IL33: variants seen among roughly 807,000 people sequenced by gnomAD.
The protein encoded by IL33 is interleukin-33.
A neutral mutation model predicts 27.3 loss-of-function variants in IL33; 37 were observed. The ratio of observed to expected loss-of-function variants is 1.36; its 90% CI spans 1.04 to 1.78. The LOEUF (loss-of-function observed/expected upper bound fraction) is 1.78. IL33 is among the 40% of genes most tolerant of loss of function. The probability of loss-of-function intolerance (pLI) is 0.00; values close to 1 mark genes in which losing one functional copy is unlikely to be tolerated. For missense variants in IL33, 406 were observed against 311.4 expected (o/e 1.30, Z -2.29); for synonymous variants, 132 against 102.9 (o/e 1.28, Z -1.71).
chr9:6,239,135 C>T (rs899548170), intron 1 of IL33, among the ~76,000 whole-genome samples: 23 of 152,236 alleles, frequency 1.5e-4, no homozygotes, highest in Middle Eastern at 3.4e-3. Flanking sequence ...GAGATCAAGC[C>T]GCAAACATAG....
At chr9:6,238,750 A>C (rs72689561) in intron 1 of IL33, among the ~76,000 whole-genome samples, 23,637 of 152,186 alleles carry the variant, frequency 0.16, 2,459 homozygotes, top group Non-Finnish European at 0.22. Context: ...TAAAAAGAAG[A>C]AGCAATAATT....
chr9:6,242,579 C>T (rs1345845381), intron 2 of IL33: 5 of 152,156 alleles, frequency 3.3e-5, no homozygotes, highest in Non-Finnish European at 7.3e-5. Flanking sequence ...GCTACATTTT[C>T]CAGGATTTGA....
intron 1 of IL33, among the ~76,000 whole-genome samples, chr9:6,221,688 A>T (rs995466710): frequency 6.6e-6 from 1 of 152,160 alleles, no homozygotes; most frequent in Non-Finnish European, 1.5e-5. Flanking sequence ...TCTCCTTACT[A>T]TCTAGGTGGA....
chr9:6,247,921 A>G (rs1819959943), intron 2 of IL33, among the ~76,000 whole-genome samples: 1 of 151,688 alleles, frequency 6.6e-6, no homozygotes, highest in Non-Finnish European at 1.5e-5. Flanking sequence ...TAACTTTCTT[A>G]TCTCCTAAAG....
chr9:6,254,589 G>T, intron 7 of IL33, 36 bp downstream of exon 7: 5 of 1,262,694 alleles, frequency 4.0e-6, no homozygotes, highest in Non-Finnish European at 5.4e-6. Context: ...CTATATATAT[G>T]ATTACAGAAC....
Position 6,253,575 on chromosome 9 carries a change from G to A in IL33, c.493G>A (p.Glu165Lys), listed in dbSNP as rs145735086. The part of the protein sequence containing the change: ...KKDKVLLSYY[E>K]SQHPSNESGD... ...AGATAAGGTGTTACTGAGTTACTAT[G>A]AGTCTCAACACCCCTCAAATGAATC... The change falls in exon 6 of 8, where the codon GAG becomes AAG. Residue 165 changes from glutamate (E) to lysine (K), a missense_variant. Coordinates refer to ENST00000682010, the MANE Select transcript of IL33 (RefSeq NM_033439.4). 3 of 1,608,764 alleles carry A rather than the reference G, an allele frequency of 1.9e-6. No homozygotes were observed. Among genetic ancestry groups the A allele is most frequent in the South Asian group, 1.1e-5 (1 of 90,380 alleles).
At chr9:6,246,878 G>A (rs1238469344) in intron 2 of IL33, among the ~76,000 whole-genome samples, 1 of 152,170 alleles carries the variant, frequency 6.6e-6, no homozygotes, top group Admixed American at 6.5e-5. Context: ...AAATCACCCA[G>A]TCCATGGTAT....
intron 1 of IL33, among the ~76,000 whole-genome samples, chr9:6,217,072 T>A (rs1026849528): frequency 6.6e-6 from 1 of 151,996 alleles, no homozygotes; most frequent in East Asian, 1.9e-4. Flanking sequence ...TGCTGCTGAT[T>A]GGTTGGGAAT....
intron 1 of IL33, among the ~76,000 whole-genome samples, chr9:6,226,964 G>A (rs912754952): frequency 6.6e-6 from 1 of 152,222 alleles, no homozygotes; most frequent in Non-Finnish European, 1.5e-5. Flanking sequence ...TTGGGGCACT[G>A]CCAACCTAAA....
At chr9:6,247,854 C>T (rs945997091) in intron 2 of IL33, among the ~76,000 whole-genome samples, 22 of 152,068 alleles carry the variant, frequency 1.4e-4, no homozygotes, top group African/African-American at 5.3e-4. Context: ...TAACCCCCAT[C>T]CTTGAACTAT....
intron 1 of IL33, among the ~76,000 whole-genome samples, chr9:6,241,379 A>G (rs923082307): frequency 2.6e-5 from 4 of 152,202 alleles, no homozygotes; most frequent in African/African-American, 9.7e-5. Flanking sequence ...CACGCAAGTA[A>G]TGAATTGTTC....
chr9:6,229,209 C>A (rs1229716060), intron 1 of IL33, among the ~76,000 whole-genome samples: 1 of 152,046 alleles, frequency 6.6e-6, no homozygotes, highest in African/African-American at 2.4e-5. Context: ...GAAACTGAGA[C>A]CTGGAGAGCT....
Position 6,252,918 on chromosome 9 carries a change from A to T in IL33, c.396A>T (p.Gln132His). The T allele has an allele frequency of 6.2e-7, 1 of 1,605,402 alleles. No homozygotes were observed. The highest frequency in any genetic ancestry group is 8.5e-7 in the Non-Finnish European group (1 of 1,173,238). ...YLASLSTYND[Q>H]SITFALEDES... ...CTTCTCTAAGCACATACAATGATCA[A>T]TCCATTACTTTTGCTTTGGAGGATG... The change falls in exon 5 of 8, where the codon CAA becomes CAT. Residue 132 changes from glutamine to histidine, a missense_variant. Coordinates refer to ENST00000682010, the MANE Select transcript of IL33 (RefSeq NM_033439.4).
chr9:6,218,340 T>C (rs1818239011), intron 1 of IL33, among the ~76,000 whole-genome samples: 1 of 152,098 alleles, frequency 6.6e-6, no homozygotes, highest in African/African-American at 2.4e-5. Flanking sequence ...TTCCCATTTA[T>C]AGAGAGAAAA....
At position 6,256,408 on chromosome 9, in the gene IL33, A is replaced by T. The variant is rs949629586; in HGVS notation, c.*240A>T. On this transcript the variant is annotated 3_prime_UTR_variant, in exon 8 of 8. Transcript: ENST00000682010. ...AGTATATTAAATAGGGTATTGGTAA[A>T]GAAACGGTCAACATTCTAAAGAGAT... The T allele has an allele frequency of 1.9e-6, 1 of 515,990 alleles. No homozygotes were observed. The highest frequency in any genetic ancestry group is 3.4e-6 in the Non-Finnish European group (1 of 296,148). 32.0% of individuals were successfully genotyped at this position (515,990 alleles called of 1,614,324 possible). A position where few individuals can be genotyped will look rare whatever the true frequency, so the allele number is the denominator to read the frequency against.
chr9:6,252,499 T>C (rs981559308), intron 4 of IL33, among the ~76,000 whole-genome samples: 1 of 152,176 alleles, frequency 6.6e-6, no homozygotes, highest in South Asian at 2.1e-4. Flanking sequence ...GAACATTTAT[T>C]TATCCATGTC....
intron 1 of IL33, among the ~76,000 whole-genome samples, chr9:6,229,338 T>A (rs1216190232): frequency 6.6e-6 from 1 of 152,114 alleles, no homozygotes; most frequent in Non-Finnish European, 1.5e-5. Context: ...TCAAAGTATG[T>A]GAGGCATGGG....
upstream of IL33, among the ~76,000 whole-genome samples, chr9:6,215,271 G>A (rs1399709805): frequency 6.6e-6 from 1 of 152,188 alleles, no homozygotes; most frequent in Non-Finnish European, 1.5e-5. Flanking sequence ...ATTATCTTCT[G>A]CGAGATTTTT....
intron 1 of IL33, among the ~76,000 whole-genome samples, chr9:6,237,773 C>A (rs945116068): frequency 2.0e-5 from 3 of 151,962 alleles, no homozygotes; most frequent in African/African-American, 7.3e-5. Context: ...AAAAAAGTAA[C>A]TTTTTTGAAT....
Sources: allele counts gnomAD v4.1 joint callset (sites outside exome capture counted in the v4.1 genomes callset), GRCh38; gene constraint gnomAD v4.1.1; transcripts MANE v1.5; gene names NCBI Gene and HGNC (gene_info 2026-07-23, HGNC 2026-07-21).